Variants in DOCK1 observed in about 807,000 individuals in gnomAD.
DOCK1 encodes dedicator of cytokinesis 1, also known as dedicator of cytokinesis protein 1.
DOCK1 carries 138 observed loss-of-function variants against 262.7 expected under a neutral mutation model. The ratio of observed to expected loss-of-function variants is 0.53; its 90% CI spans 0.46 to 0.61. The LOEUF is 0.61. Ranked by LOEUF, DOCK1 falls within the 20% of genes least tolerant of loss-of-function variation. The pLI, the probability that DOCK1 is intolerant of heterozygous loss-of-function variation, is 0.00. For missense variants in DOCK1, 1,908 were observed against 2,370.7 expected (o/e 0.80, Z 4.05); for synonymous variants, 866 against 867.4 (o/e 1.00, Z 0.03).
chr10:127,002,539 A>G (rs1411303106), intron 10 of DOCK1, among the ~76,000 whole-genome samples: 2 of 152,284 alleles, frequency 1.3e-5, no homozygotes, highest in Middle Eastern at 3.4e-3. Context: ...TGTTTCTTAC[A>G]TGCTCACTTA....
chr10:127,226,012 A>G (rs945301795), intron 27 of DOCK1, among the ~76,000 whole-genome samples: 1 of 148,424 alleles, frequency 6.7e-6, no homozygotes, highest in Non-Finnish European at 1.5e-5. Flanking sequence ...TGGGAGGCAG[A>G]GGTTGCAGTC....
intron 29 of DOCK1, among the ~76,000 whole-genome samples, chr10:127,323,301 G>A (rs1382225627): frequency 6.6e-6 from 1 of 152,108 alleles, no homozygotes; most frequent in Non-Finnish European, 1.5e-5. Context: ...GCCTAAGGGT[G>A]GTGCTGGTGT....
chr10:127,187,551 T>G (rs1284222907), intron 27 of DOCK1, among the ~76,000 whole-genome samples: 1 of 152,036 alleles, frequency 6.6e-6, no homozygotes, highest in East Asian at 1.9e-4. Flanking sequence ...GTGTGTGGGT[T>G]TTTAAAGAGA....
chr10:126,941,513 G>T (rs886463962), intron 1 of DOCK1, among the ~76,000 whole-genome samples: 57 of 152,252 alleles, frequency 3.7e-4, no homozygotes, highest in South Asian at 1.7e-3. Flanking sequence ...TCCCAGCACT[G>T]TGGGAGGCCA....
intron 44 of DOCK1, among the ~76,000 whole-genome samples, chr10:127,417,233 C>G (rs1310074977): frequency 6.6e-6 from 1 of 152,200 alleles, no homozygotes; most frequent in Non-Finnish European, 1.5e-5. Flanking sequence ...GGGACATGGT[C>G]CCCGTGGCCC....
chr10:127,153,016 A>G (rs2052660406), intron 27 of DOCK1, among the ~76,000 whole-genome samples: 1 of 152,206 alleles, frequency 6.6e-6, no homozygotes, highest in Non-Finnish European at 1.5e-5. Flanking sequence ...TTCTTAATGC[A>G]GAGGACAGTA....
chr10:126,967,570 G>A (rs2037764334), intron 1 of DOCK1, among the ~76,000 whole-genome samples: 1 of 152,112 alleles, frequency 6.6e-6, no homozygotes, highest in African/African-American at 2.4e-5. Context: ...GAGATTCAGC[G>A]TCCTAAAGTG....
At chr10:127,229,808 G>C (rs60777623) in intron 27 of DOCK1, among the ~76,000 whole-genome samples, 573 of 152,236 alleles carry the variant, frequency 3.8e-3, no homozygotes, top group African/African-American at 0.013. Flanking sequence ...ACCCTCCATT[G>C]TGCTTTCCGT....
chr10:127,193,582 A>C (rs576679380), intron 27 of DOCK1, among the ~76,000 whole-genome samples: 28 of 152,298 alleles, frequency 1.8e-4, no homozygotes, highest in African/African-American at 6.7e-4. Context: ...CAAACAAGAG[A>C]ATACAAATGT....
Position 127,000,312 on chromosome 10 carries a change from T to G in DOCK1, c.985+5T>G, listed in dbSNP as rs2040495750. Reference sequence around the variant, plus strand: ...GGCGACCTTTTGGAGTGGCTGGTAATCTATTTCTCTGTGTTTCCTTGAGAG... The same window carrying G: ...GGCGACCTTTTGGAGTGGCTGGTAAGCTATTTCTCTGTGTTTCCTTGAGAG... On this transcript the variant is annotated splice_donor_5th_base_variant and intron_variant, in intron 10 of 51. Coordinates refer to ENST00000623213, the MANE Select transcript of DOCK1 (RefSeq NM_001290223.2). 6.2e-7 allele frequency: 1 copy of G among 1,613,262 alleles called. No homozygotes were observed. The highest frequency in any genetic ancestry group is 1.3e-5 in the African/African-American group (1 of 74,924).
chr10:127,404,099 C>T (rs138961605), intron 39 of DOCK1, among the ~76,000 whole-genome samples: 1 of 152,222 alleles, frequency 6.6e-6, no homozygotes, highest in East Asian at 1.9e-4. Flanking sequence ...GTTCAGATTC[C>T]CTTGCGGAAT....
At chr10:127,014,293 A>G (rs1322483155) in intron 12 of DOCK1, among the ~76,000 whole-genome samples, 4 of 152,228 alleles carry the variant, frequency 2.6e-5, no homozygotes, top group Non-Finnish European at 5.9e-5. Context: ...AATGTATGCT[A>G]ATCCTCTTTG....
At chr10:127,358,853 A>G (rs1421411282) in intron 32 of DOCK1, among the ~76,000 whole-genome samples, 9 of 152,206 alleles carry the variant, frequency 5.9e-5, no homozygotes, top group African/African-American at 2.2e-4. Flanking sequence ...AAACACCCAC[A>G]GGGAGGCTTC....
At chr10:127,128,500 T>G (rs1182640283) in intron 27 of DOCK1, among the ~76,000 whole-genome samples, 2 of 152,072 alleles carry the variant, frequency 1.3e-5, no homozygotes, top group Non-Finnish European at 2.9e-5. Context: ...TTTTAAGCCC[T>G]GCATGCATTC....
chr10:126,930,604 C>T (rs1406591924), intron 1 of DOCK1, among the ~76,000 whole-genome samples: 1 of 152,188 alleles, frequency 6.6e-6, no homozygotes, highest in African/African-American at 2.4e-5. Context: ...CCTCTCCAGC[C>T]TTGTGAGACT....
At chr10:126,957,222 A>G (rs2036817273) in intron 1 of DOCK1, among the ~76,000 whole-genome samples, 1 of 151,848 alleles carries the variant, frequency 6.6e-6, no homozygotes, top group African/African-American at 2.4e-5. Flanking sequence ...AACTACAAAG[A>G]AACCAAATAT....
intron 12 of DOCK1, among the ~76,000 whole-genome samples, chr10:127,014,648 C>T (rs1203713084): frequency 2.0e-5 from 3 of 152,194 alleles, no homozygotes; most frequent in African/African-American, 7.2e-5. Flanking sequence ...CATTCATTCT[C>T]CAGGGAGGCT....
chr10:127,162,508 T>A (rs1564855066), intron 27 of DOCK1, among the ~76,000 whole-genome samples: 1 of 152,174 alleles, frequency 6.6e-6, no homozygotes, highest in Non-Finnish European at 1.5e-5. Flanking sequence ...TTGAGTTGGG[T>A]CTGTCTTCAT....
chr10:127,037,513 TGTC>T (rs959805787), intron 18 of DOCK1, among the ~76,000 whole-genome samples: 1 of 152,204 alleles, frequency 6.6e-6, no homozygotes, highest in African/African-American at 2.4e-5. Flanking sequence ...TCATGGTAAA[TGTC>T]GTTGGGAATA....
Sources: gnomAD v4.1 joint callset for allele counts (sites outside exome capture counted in the v4.1 genomes callset) on GRCh38, gnomAD v4.1.1 for gene constraint, MANE v1.5 for transcripts, NCBI Gene and HGNC (gene_info 2026-07-23, HGNC 2026-07-21) for gene names.